The following STARD10 variants were observed in gnomAD, a reference collection of about 807,000 sequenced individuals.
STARD10 encodes START domain-containing protein 10.
Under a neutral mutation model 36.0 loss-of-function variants are expected in STARD10, and 24 were observed. The ratio of observed to expected loss-of-function variants is 0.67; its 90% confidence interval spans 0.48 to 0.94. STARD10 has a LOEUF of 0.94. STARD10 is among the 40% of genes least tolerant of loss of function. STARD10 has a pLI of 0.00. For synonymous variants in STARD10, 156 were observed against 161.9 expected (o/e 0.96, Z 0.28); for missense variants, 335 against 396.6 (o/e 0.84, Z 1.32).
chr11:72,791,027 G>A (rs1021382789), intron 1 of STARD10, among the ~76,000 whole-genome samples: 2 of 152,212 alleles, frequency 1.3e-5, no homozygotes, highest in East Asian at 1.9e-4. Context: ...TGCTTACCAC[G>A]GGCCTGGTGC....
At chr11:72,757,124 A>G (rs1858655232) in intron 5 of STARD10, among the ~76,000 whole-genome samples, 1 of 148,632 alleles carries the variant, frequency 6.7e-6, no homozygotes, top group African/African-American at 2.5e-5. Context: ...CAGCCTGGGA[A>G]ACAAGAGTGA....
intron 2 of STARD10, chr11:72,780,357 C>G (rs1858976296): frequency 2.4e-6 from 1 of 419,538 alleles, no homozygotes; most frequent in Non-Finnish European, 4.9e-6. Flanking sequence ...CCTTCCTTCC[C>G]CAGCCCACCT....
intron 5 of STARD10, among the ~76,000 whole-genome samples, chr11:72,756,221 G>T (rs1276695708): frequency 6.6e-6 from 1 of 152,130 alleles, no homozygotes; most frequent in African/African-American, 2.4e-5. Flanking sequence ...GGAATCCACT[G>T]CCCAGCTCTC....
rs756670896 is a variant in STARD10 at position 72,755,150 on chromosome 11, C to G, written c.631-8G>C. On this transcript the variant is annotated splice_region_variant and splice_polypyrimidine_tract_variant and intron_variant, in intron 6 of 6. Transcript: ENST00000334805. ...GTACATCTTCTTCATGGCCTGTGGGCCCGCCGCCCCGCCGGGTCAGGGGGT... is the reference window on the plus strand; with the variant it reads ...GTACATCTTCTTCATGGCCTGTGGGGCCGCCGCCCCGCCGGGTCAGGGGGT... 1 of 1,605,432 alleles carries G rather than the reference C, an allele frequency of 6.2e-7. No homozygotes were observed. The highest frequency in any genetic ancestry group is 1.7e-5 in the Admixed American group (1 of 59,504).
intron 1 of STARD10, among the ~76,000 whole-genome samples, chr11:72,790,838 A>G (rs1859133230): frequency 6.6e-6 from 1 of 152,226 alleles, no homozygotes. Context: ...AGATGGGGAC[A>G]TGGGTCCTCC....
intron 1 of STARD10, among the ~76,000 whole-genome samples, chr11:72,787,087 A>G (rs80189535): frequency 1.3e-5 from 2 of 149,344 alleles, no homozygotes; most frequent in Admixed American, 6.7e-5. Flanking sequence ...CTGTGTCCAA[A>G]AAAAAAAAAA....
At position 72,754,875 on chromosome 11, in the gene STARD10, C is replaced by T. The variant is rs769486299; in HGVS notation, c.*22G>A. On this transcript the variant is annotated 3_prime_UTR_variant, in exon 7 of 7. Transcript: ENST00000334805. ...CCCAGGGCTCGCCCGGTCCTGTCTC[C>T]GTCCCTGAAGCGGTGCGGCGCTCAG... The T allele has an allele frequency of 1.3e-6, 2 of 1,587,772 alleles. No individual in the cohort carries two copies. Among genetic ancestry groups the T allele is most frequent in the African/African-American group, 1.4e-5 (1 of 72,532 alleles).
Position 72,758,637 on chromosome 11 carries a change from T to TG in STARD10, c.356-5dup, listed in dbSNP as rs747115232. 6.8e-6 allele frequency: 11 copies of TG among 1,610,602 alleles called. No homozygotes were observed. The highest frequency in any genetic ancestry group is 3.3e-4 in the Middle Eastern group (2 of 6,052). On this transcript the variant is annotated splice_polypyrimidine_tract_variant and splice_region_variant and intron_variant, in intron 3 of 6. Coordinates refer to ENST00000334805, the MANE Select transcript of STARD10 (RefSeq NM_006645.3). ...TTCAGGGGCTTGGGACACCTCCCTG[T>TG]GGGGGGCAAGGGACAGTTCAGCCAG... is the stretch of plus-strand genomic sequence containing the variant.
At chr11:72,756,939 T>G (rs190373413) in intron 5 of STARD10, among the ~76,000 whole-genome samples, 36 of 150,598 alleles carry the variant, frequency 2.4e-4, no homozygotes, top group Middle Eastern at 3.2e-3. Context: ...AGGTCAGGAG[T>G]TCGAGACCAG....
At chr11:72,771,688 GACCTCCACCCCC>G (rs1461400713) in intron 2 of STARD10, among the ~76,000 whole-genome samples, 2 of 151,982 alleles carry the variant, frequency 1.3e-5, no homozygotes, top group Non-Finnish European at 1.5e-5. Flanking sequence ...AGCCTCCCTG[GACCTCCACCCCC>G]ACCTCCACCT....
rs374848566 is a variant in STARD10 at position 72,754,915 on chromosome 11, G to C, written c.858C>G (p.Asp286Glu). 4 of 1,599,998 alleles carry C rather than the reference G, an allele frequency of 2.5e-6. No homozygotes were observed. The highest frequency in any genetic ancestry group is 8.5e-7 in the Non-Finnish European group (1 of 1,178,474). Residue 286 changes from aspartate to glutamate, a missense_variant, in exon 7 of 7, where the codon GAC becomes GAG. By Grantham distance (45) the Asp-to-Glu change is conservative. Transcript: ENST00000334805. Reference sequence around the variant, plus strand: ...GCGGCGCTCAGGTGAGCGAGGTGTCGTCGTCGCTGCCCTCGCCGCCCGCGC... The same window carrying C: ...GCGGCGCTCAGGTGAGCGAGGTGTCCTCGTCGCTGCCCTCGCCGCCCGCGC... ...MGGAGGEGSD[D>E]DTSLT
intron 1 of STARD10, among the ~76,000 whole-genome samples, chr11:72,787,620 C>A (rs1859089914): frequency 6.6e-6 from 1 of 152,238 alleles, no homozygotes; most frequent in South Asian, 2.1e-4. Flanking sequence ...CTGCCAGGAA[C>A]TCAGTTCGAT....
intron 2 of STARD10, among the ~76,000 whole-genome samples, chr11:72,761,527 C>T (rs943422500): frequency 1.1e-4 from 16 of 152,136 alleles, no homozygotes; most frequent in African/African-American, 3.4e-4. Context: ...GAGGCTGAGA[C>T]GGGCAGATCA....
rs1340308033 is a variant in STARD10 at position 72,793,377 on chromosome 11, A to T, written c.-616T>A. On this transcript the variant is annotated 5_prime_UTR_variant, in exon 1 of 7. Transcript: ENST00000334805. Reference sequence around the variant, plus strand: ...AACAGCCTGTTTGCATTTACAAATGAGAAAGCTCAGTTCCCTAAGGGAACA... The same window carrying T: ...AACAGCCTGTTTGCATTTACAAATGTGAAAGCTCAGTTCCCTAAGGGAACA... 6.6e-6 allele frequency: 1 copy of T among 152,262 alleles called. No individual in the cohort carries two copies. The highest frequency in any genetic ancestry group is 1.5e-5 in the Non-Finnish European group (1 of 68,046). 9.4% of individuals were successfully genotyped at this position (152,262 alleles called of 1,614,324 possible).
At chr11:72,755,798 C>T (rs1858636917) in intron 5 of STARD10, 45 bp from the exon 6 acceptor site, 6 of 1,554,112 alleles carry the variant, frequency 3.9e-6, no homozygotes, top group Non-Finnish European at 5.2e-6. Flanking sequence ...GGACCCAGCC[C>T]CTCCGCCCCT....
intron 1 of STARD10, among the ~76,000 whole-genome samples, chr11:72,782,809 T>C (rs1036316295): frequency 6.6e-6 from 1 of 152,160 alleles, no homozygotes; most frequent in African/African-American, 2.4e-5. Context: ...GCTCAACTTC[T>C]CTGAGGCCAG....
At chr11:72,784,656 C>T (rs867753079) in intron 1 of STARD10, among the ~76,000 whole-genome samples, 8 of 152,270 alleles carry the variant, frequency 5.3e-5, no homozygotes, top group African/African-American at 1.7e-4. Flanking sequence ...CCTGCTCTGC[C>T]CACTGCAGTC....
At chr11:72,761,528 G>T (rs1039513487) in intron 2 of STARD10, among the ~76,000 whole-genome samples, 1 of 152,114 alleles carries the variant, frequency 6.6e-6, no homozygotes, top group South Asian at 2.1e-4. Flanking sequence ...AGGCTGAGAC[G>T]GGCAGATCAC....
chr11:72,781,226 C>T lies in STARD10; in HGVS notation c.-45G>A, dbSNP rs376332530. Reference sequence around the variant, plus strand: ...AGGGCCCTGGTCCTAGTCCGGCTCTCCTGGGTCCTCCGCGGAGGCTCCGAC... The same window carrying T: ...AGGGCCCTGGTCCTAGTCCGGCTCTTCTGGGTCCTCCGCGGAGGCTCCGAC... On this transcript the variant is annotated 5_prime_UTR_variant, in exon 2 of 7. Transcript: ENST00000334805. This position sits in a 1 kb window ranked among gnomAD's most constrained non-coding sequence, Gnocchi z 4.7. 1.9e-6 allele frequency: 3 copies of T among 1,557,286 alleles called. No individual in the cohort carries two copies. The African/African-American group carries it at 4.1e-5, about 21-fold the overall frequency.
Sources: gnomAD v4.1 joint callset for allele counts (sites outside exome capture counted in the v4.1 genomes callset) on GRCh38, gnomAD v4.1.1 for gene constraint, Gnocchi (gnomAD v3.1) non-coding constraint, MANE v1.5 for transcripts, NCBI Gene and HGNC (gene_info 2026-07-23, HGNC 2026-07-21) for gene names.